The following TMCO5A variants were observed in gnomAD, a reference collection of about 807,000 sequenced individuals.
TMCO5A encodes the protein transmembrane and coiled-coil domains 5A.
TMCO5A carries 34 observed loss-of-function variants against 42.3 expected under a neutral mutation model. That is an observed-to-expected ratio of 0.80 (90% confidence interval 0.61 to 1.07). The LOEUF (loss-of-function observed/expected upper bound fraction) is 1.07. Among genes scored for constraint, TMCO5A ranks in the 50% least tolerant of loss-of-function variants. TMCO5A has a pLI of 0.00. For synonymous variants in TMCO5A, 131 were observed against 115.6 expected, an observed-to-expected ratio of 1.13 and a Z score of -0.86; for missense variants, 357 against 327.9, an observed-to-expected ratio of 1.09 and a Z score of -0.69.
the TMCO5A span, among the ~76,000 whole-genome samples, chr15:38,033,175 G>A: frequency 1.4e-4 from 22 of 151,986 alleles, no homozygotes; most frequent in African/African-American, 3.6e-4. Flanking sequence ...TGATCCACCC[G>A]CCTCGGCCTC....
the TMCO5A span, among the ~76,000 whole-genome samples, chr15:38,013,716 A>T: frequency 6.6e-6 from 1 of 152,178 alleles, no homozygotes. Flanking sequence ...ATAGCAAATA[A>T]TTTTTTCTAT....
the TMCO5A span, among the ~76,000 whole-genome samples, chr15:38,036,116 G>A: frequency 6.6e-6 from 1 of 152,156 alleles, no homozygotes. Flanking sequence ...CCTTGGAAAT[G>A]TTTCTCAGCT....
chr15:37,964,246 G>C (rs1226280313), intron 11 of TMCO5A, among the ~76,000 whole-genome samples: 2 of 152,254 alleles, frequency 1.3e-5, no homozygotes, highest in Non-Finnish European at 2.9e-5. Context: ...CCTGTGAGCA[G>C]AACTGCAGTG....
the TMCO5A span, among the ~76,000 whole-genome samples, chr15:38,014,291 G>A: frequency 2.0e-5 from 3 of 151,288 alleles, no homozygotes; most frequent in East Asian, 1.9e-4. Flanking sequence ...GTTTTGCTTC[G>A]TGTACATTTT....
the TMCO5A span, among the ~76,000 whole-genome samples, chr15:37,977,759 A>G: frequency 6.6e-6 from 1 of 152,206 alleles, no homozygotes; most frequent in Non-Finnish European, 1.5e-5. Flanking sequence ...CAGGGACTTC[A>G]GCAGTGGCAA....
the TMCO5A span, among the ~76,000 whole-genome samples, chr15:37,980,612 A>G: frequency 8.0e-6 from 1 of 125,410 alleles, no homozygotes; most frequent in East Asian, 2.7e-4. Context: ...GGCGCACACC[A>G]GCCGCTTCTA....
intron 8 of TMCO5A, 32 bp downstream of exon 8, chr15:37,941,762 G>C (rs747798979): frequency 1.3e-6 from 2 of 1,534,790 alleles, no homozygotes; most frequent in Admixed American, 1.7e-5. Context: ...ATAGCAAAGG[G>C]TTTATTAAGG....
the TMCO5A span, among the ~76,000 whole-genome samples, chr15:37,976,793 C>CT: frequency 0.16 from 18,150 of 116,854 alleles, 1,697 homozygotes; most frequent in Non-Finnish European, 0.19. Flanking sequence ...TTTCTTCTTT[C>CT]TTTTTTTTTT....
chr15:38,040,587 A>G, the TMCO5A span: 3 of 152,264 alleles, frequency 2.0e-5, no homozygotes, highest in Non-Finnish European at 4.4e-5. Flanking sequence ...AAAATGTGGT[A>G]TAACCATACA....
At chr15:37,989,544 T>C in the TMCO5A span, among the ~76,000 whole-genome samples, 1 of 152,044 alleles carries the variant, frequency 6.6e-6, no homozygotes, top group East Asian at 1.9e-4. Context: ...CCTTGTAATT[T>C]CATCTTGGAT....
intron 11 of TMCO5A, among the ~76,000 whole-genome samples, chr15:37,965,541 G>C (rs939531591): frequency 9.9e-5 from 15 of 152,116 alleles, no homozygotes; most frequent in Admixed American, 6.6e-5. Context: ...GGGTATATAA[G>C]GAGCTCAAAC....
the TMCO5A span, among the ~76,000 whole-genome samples, chr15:37,986,526 T>C: frequency 1.3e-5 from 2 of 151,914 alleles, no homozygotes; most frequent in Non-Finnish European, 2.9e-5. Flanking sequence ...ATTCACACTT[T>C]TGTGTAACCA....
the TMCO5A span, among the ~76,000 whole-genome samples, chr15:38,023,747 C>T: frequency 1.3e-5 from 2 of 152,164 alleles, no homozygotes; most frequent in Non-Finnish European, 2.9e-5. Flanking sequence ...TTGATCTCTA[C>T]CTCACACCAT....
At chr15:37,953,544 G>C (rs116869816), downstream of TMCO5A, among the ~76,000 whole-genome samples, 1,295 of 152,222 alleles carry the variant, frequency 8.5e-3, 11 homozygotes, top group Non-Finnish European at 0.012. Flanking sequence ...ATATGGCTTA[G>C]ATCACAACAT....
chr15:37,939,844 C>A (rs1889670745), intron 6 of TMCO5A, among the ~76,000 whole-genome samples: 1 of 152,022 alleles, frequency 6.6e-6, no homozygotes, highest in Admixed American at 6.6e-5. Context: ...TCCCTTAGCA[C>A]ATTTGGCTAA....
At chr15:38,027,173 G>GA in the TMCO5A span, among the ~76,000 whole-genome samples, 2 of 152,036 alleles carry the variant, frequency 1.3e-5, no homozygotes, top group Non-Finnish European at 2.9e-5. Flanking sequence ...CATTTGCCTG[G>GA]AAAAACGGCA....
the TMCO5A span, among the ~76,000 whole-genome samples, chr15:38,032,312 G>T: frequency 5.9e-5 from 9 of 152,110 alleles, no homozygotes; most frequent in Non-Finnish European, 1.3e-4. Flanking sequence ...TTCCCCATCT[G>T]CCCCACCAGA....
chr15:38,011,523 A>G, the TMCO5A span, among the ~76,000 whole-genome samples: 1 of 152,340 alleles, frequency 6.6e-6, no homozygotes, highest in East Asian at 1.9e-4. Flanking sequence ...GTCTAAGGAC[A>G]TTAACTATCC....
the TMCO5A span, among the ~76,000 whole-genome samples, chr15:38,039,095 G>C: frequency 2.6e-5 from 4 of 152,150 alleles, no homozygotes; most frequent in Non-Finnish European, 4.4e-5. Flanking sequence ...CATCTGTCTA[G>C]AGGCAGGTGG....
Sources: allele counts gnomAD v4.1 joint callset (sites outside exome capture counted in the v4.1 genomes callset), GRCh38; gene constraint gnomAD v4.1.1; transcripts MANE v1.5; gene names NCBI Gene and HGNC (gene_info 2026-07-23, HGNC 2026-07-21).